C1orf185: variants seen among roughly 807,000 people sequenced by gnomAD.
The protein encoded by C1orf185 is chromosome 1 open reading frame 185.
In C1orf185, 13 loss-of-function variants were observed where a neutral mutation model predicts 16.1. The ratio of observed to expected loss-of-function variants is 0.81; its 90% CI spans 0.53 to 1.28. The LOEUF is 1.28. Ranked by LOEUF, C1orf185 falls within the 50% of genes most tolerant of loss-of-function variation. C1orf185 has a pLI of 0.00. For missense variants in C1orf185, 220 were observed against 225.2 expected (o/e 0.98, Z 0.15); for synonymous variants, 80 against 76.9 (o/e 1.04, Z -0.21).
At chr1:51,138,211 A>T (rs891418208) in intron 3 of C1orf185, among the ~76,000 whole-genome samples, 4 of 152,054 alleles carry the variant, frequency 2.6e-5, no homozygotes, top group South Asian at 2.1e-4. Flanking sequence ...ACAAGTTAAA[A>T]ATATATATAT....
At chr1:51,129,168 A>G (rs571357292) in intron 3 of C1orf185, among the ~76,000 whole-genome samples, 2 of 152,212 alleles carry the variant, frequency 1.3e-5, no homozygotes, top group South Asian at 4.2e-4. Flanking sequence ...TACAGGCGAG[A>G]GCCACCGTGC....
chr1:51,122,478 A>G (rs1483987919), intron 3 of C1orf185, among the ~76,000 whole-genome samples: 8 of 152,192 alleles, frequency 5.3e-5, no homozygotes, highest in African/African-American at 9.7e-5. Flanking sequence ...AGCAAAACTG[A>G]GCAGAAAGTA....
At chr1:51,122,559 G>A (rs12079906) in intron 3 of C1orf185, among the ~76,000 whole-genome samples, 1,964 of 152,232 alleles carry the variant, frequency 0.013, 46 homozygotes, top group African/African-American at 0.045. Context: ...ACACCAGAGA[G>A]GTGCATATGC....
intron 3 of C1orf185, among the ~76,000 whole-genome samples, chr1:51,132,224 G>T (rs891879373): frequency 6.6e-6 from 1 of 152,138 alleles, no homozygotes; most frequent in African/African-American, 2.4e-5. Context: ...CTCCAGCAAA[G>T]GTTCTGAACC....
At chr1:51,124,156 G>A (rs1345928655) in intron 3 of C1orf185, among the ~76,000 whole-genome samples, 3 of 141,522 alleles carry the variant, frequency 2.1e-5, no homozygotes, top group African/African-American at 8.0e-5. Flanking sequence ...ATCTCGGCTT[G>A]CTGCAAGCTT....
At chr1:51,146,902 T>A (rs981860596) in intron 4 of C1orf185, among the ~76,000 whole-genome samples, 3 of 152,198 alleles carry the variant, frequency 2.0e-5, no homozygotes, top group Non-Finnish European at 4.4e-5. Flanking sequence ...TATTTTCTAA[T>A]ACATGCTTAA....
intron 3 of C1orf185, among the ~76,000 whole-genome samples, chr1:51,123,072 G>T (rs1646209772): frequency 6.6e-6 from 1 of 152,094 alleles, no homozygotes. Context: ...CTTCTTTCTG[G>T]TAGGATTTCT....
Position 51,105,007 on chromosome 1 carries a change from C to T in C1orf185, c.16+2758C>T, listed in dbSNP as rs1449049317. Among the ~76,000 whole-genome samples the T allele has an allele frequency of 3.9e-5, 6 of 151,956 alleles. No homozygotes were observed. The South Asian group carries it at 1.0e-3, about 26-fold the overall frequency. On this transcript the variant is annotated intron_variant, in intron 1 of 4. Transcript: ENST00000371759. ...TGAGATGGAGTCTTGCTCTGTCACC[C>T]AGGCTGGAGGTGCAATCTCGGCTCA...
At position 51,102,253 on chromosome 1, in the gene C1orf185, T is replaced by C. The variant is rs765778309; in HGVS notation, c.16+4T>C. On this transcript the variant is annotated splice_donor_region_variant and intron_variant, in intron 1 of 4. Transcript: ENST00000371759. ...AGTCATATGGCTTCACCTAAAGGTA[T>C]GAGAAGCTGGGTCATGTAGTCTAGC... 9 of 716,344 alleles carry C rather than the reference T, an allele frequency of 1.3e-5. No individual in the cohort carries two copies. Among genetic ancestry groups the C allele is most frequent in the Non-Finnish European group, 5.2e-6 (2 of 383,832 alleles). 44.4% of individuals were successfully genotyped at this position (716,344 alleles called of 1,614,324 possible). A position where few individuals can be genotyped will look rare whatever the true frequency, so the allele number is the denominator to read the frequency against.
chr1:51,128,237 G>T (rs966596816), intron 3 of C1orf185, among the ~76,000 whole-genome samples: 1 of 152,108 alleles, frequency 6.6e-6, no homozygotes, highest in Non-Finnish European at 1.5e-5. Context: ...AATTGTCAAG[G>T]CTTGGGGAGA....
At chr1:51,127,633 T>C (rs1260874564) in intron 3 of C1orf185, among the ~76,000 whole-genome samples, 2 of 152,064 alleles carry the variant, frequency 1.3e-5, no homozygotes, top group Admixed American at 1.3e-4. Flanking sequence ...TCCTAAATTA[T>C]ATATAAATTA....
At chr1:51,145,781 AT>A in intron 4 of C1orf185, 21 bp downstream of exon 4, 1 of 1,225,736 alleles carries the variant, frequency 8.2e-7, no homozygotes, top group Non-Finnish European at 1.1e-6. Context: ...TCAATAATTT[AT>A]TAGAAGAAAT....
At chr1:51,107,954 A>G (rs968339400) in intron 1 of C1orf185, among the ~76,000 whole-genome samples, 2 of 152,208 alleles carry the variant, frequency 1.3e-5, no homozygotes, top group Non-Finnish European at 2.9e-5. Flanking sequence ...TCCTATAAAT[A>G]TTTTAGTACA....
downstream of C1orf185, among the ~76,000 whole-genome samples, chr1:51,151,678 T>G (rs1333389098): frequency 6.6e-6 from 1 of 151,958 alleles, no homozygotes; most frequent in Non-Finnish European, 1.5e-5. Context: ...TTATTTTATT[T>G]TTATTTATTT....
intron 3 of C1orf185, among the ~76,000 whole-genome samples, chr1:51,127,881 C>CTTTTTTTTTTTTT (rs1646253146): frequency 7.6e-6 from 1 of 131,994 alleles, no homozygotes; most frequent in Admixed American, 7.5e-5. Flanking sequence ...TTTTTCTTTT[C>CTTTTTTTTTTTTT]TTTGTTTTTT....
downstream of C1orf185, among the ~76,000 whole-genome samples, chr1:51,149,241 A>G (rs138078144): frequency 3.2e-3 from 482 of 152,314 alleles, 6 homozygotes; most frequent in Non-Finnish European, 4.7e-3. Context: ...AATTACCCAT[A>G]CTAAGACCTA....
intron 2 of C1orf185, among the ~76,000 whole-genome samples, chr1:51,113,455 G>T (rs543196909): frequency 3.3e-5 from 5 of 151,846 alleles, no homozygotes; most frequent in Non-Finnish European, 7.4e-5. Context: ...AGGCCAAAGC[G>T]GACGGATCAC....
intron 3 of C1orf185, among the ~76,000 whole-genome samples, chr1:51,119,396 G>T (rs1646181769): frequency 6.6e-6 from 1 of 152,244 alleles, no homozygotes. Context: ...AACAGTGTTT[G>T]TTTTGTAGAT....
chr1:51,143,489 T>G (rs1646380066), intron 3 of C1orf185, among the ~76,000 whole-genome samples: 3 of 152,248 alleles, frequency 2.0e-5, no homozygotes, highest in Admixed American at 2.0e-4. Flanking sequence ...TAGTAGGTAC[T>G]GCTTCAAGAT....
Sources: gnomAD v4.1 joint callset for allele counts (sites outside exome capture counted in the v4.1 genomes callset) on GRCh38, gnomAD v4.1.1 for gene constraint, MANE v1.5 for transcripts, NCBI Gene and HGNC (gene_info 2026-07-23, HGNC 2026-07-21) for gene names.